SPATA17: variants seen among roughly 807,000 people sequenced by gnomAD.
SPATA17 encodes spermatogenesis-associated protein 17.
SPATA17 carries 53 observed loss-of-function variants against 62.2 expected under a neutral mutation model. The ratio of observed to expected loss-of-function variants is 0.85; its 90% CI spans 0.68 to 1.07. The LOEUF (loss-of-function observed/expected upper bound fraction) is 1.07, where lower values mean the gene tolerates loss of function less well. SPATA17 is among the 50% of genes least tolerant of loss of function. The probability of loss-of-function intolerance (pLI) is 0.00; values close to 1 mark genes in which losing one functional copy is unlikely to be tolerated. For missense variants in SPATA17, 466 were observed against 425.5 expected, an observed-to-expected ratio of 1.10 and a Z score of -0.84; for synonymous variants, 146 against 146.8, an observed-to-expected ratio of 0.99 and a Z score of 0.04.
rs1446756516 is a variant in SPATA17, at chr1:217,786,750, T to TTTCTTCTTCTTCCTCTTC, written c.872+4440_872+4441insCTCTTCTTCTTCTTCTTC. On this transcript the variant is annotated intron_variant, in intron 8 of 10. Transcript: ENST00000366933. Reference sequence around the variant, plus strand: ...AATGATAGAAGGATTTGATATTCTCTTTCTTCTTCTTCTTCTTCTTCTTCT... The same window carrying TTTCTTCTTCTTCCTCTTC: ...AATGATAGAAGGATTTGATATTCTCTTTCTTCTTCTTCCTCTTCTTCTTCTTCTTCTTCTTCTTCTTCT... Among the ~76,000 whole-genome samples, 25 of 107,436 alleles carry TTTCTTCTTCTTCCTCTTC rather than the reference T, an allele frequency of 2.3e-4. 2 individuals carry two copies. Among genetic ancestry groups the TTTCTTCTTCTTCCTCTTC allele is most frequent in the African/African-American group, 8.2e-4 (23 of 28,116 alleles). The allele number at this position is 107,436 out of a possible 152,430, so 70.5% of individuals were successfully genotyped here.
At chr1:217,642,139 T>C (rs542031549) in intron 1 of SPATA17, among the ~76,000 whole-genome samples, 2 of 152,318 alleles carry the variant, frequency 1.3e-5, no homozygotes, top group East Asian at 3.9e-4. Context: ...TACTACCTGA[T>C]TTTGACTTGT....
chr1:217,707,262 T>C (rs1304380189), intron 5 of SPATA17, among the ~76,000 whole-genome samples: 1 of 152,154 alleles, frequency 6.6e-6, no homozygotes, highest in Non-Finnish European at 1.5e-5. Flanking sequence ...CTACTGGTTT[T>C]TATATATTGA....
chr1:217,855,452 T>C (rs183366809), intron 9 of SPATA17, among the ~76,000 whole-genome samples: 6 of 152,326 alleles, frequency 3.9e-5, no homozygotes, highest in Admixed American at 3.9e-4. Flanking sequence ...TTTTTGGTTG[T>C]AATTAAATAG....
intron 3 of SPATA17, among the ~76,000 whole-genome samples, chr1:217,654,017 A>G (rs1302732454): frequency 6.6e-6 from 1 of 152,080 alleles, no homozygotes; most frequent in Non-Finnish European, 1.5e-5. Flanking sequence ...TGAAATTCCT[A>G]TTGATGGCTT....
At position 217,785,605 on chromosome 1, in the gene SPATA17, A is replaced by G. The variant is rs550591177; in HGVS notation, c.872+3283A>G. Reference sequence around the variant, plus strand: ...CCAACAATGGGAATTATAACTCAACATGAGATTTGGGTGCAAACACAGAGT... The same window carrying G: ...CCAACAATGGGAATTATAACTCAACGTGAGATTTGGGTGCAAACACAGAGT... On this transcript the variant is annotated intron_variant, in intron 8 of 10. Transcript: ENST00000366933. Among the ~76,000 whole-genome samples, 4 of 152,308 alleles carry G rather than the reference A, an allele frequency of 2.6e-5. No homozygotes were observed. The South Asian group carries it at 6.2e-4, about 24-fold the overall frequency.
chr1:217,633,217 TAAATA>T (rs1280591902), intron 1 of SPATA17, among the ~76,000 whole-genome samples: 1 of 151,068 alleles, frequency 6.6e-6, no homozygotes, highest in Non-Finnish European at 1.5e-5. Context: ...AATAAATAAA[TAAATA>T]AATAAATAAA....
At chr1:217,834,247 G>A (rs947536562) in intron 9 of SPATA17, among the ~76,000 whole-genome samples, 6 of 152,022 alleles carry the variant, frequency 3.9e-5, no homozygotes, top group Non-Finnish European at 2.9e-5. Flanking sequence ...ACTTGATAAC[G>A]ATAATAAATG....
intron 1 of SPATA17, among the ~76,000 whole-genome samples, chr1:217,642,069 C>A (rs1265638736): frequency 6.6e-6 from 1 of 152,100 alleles, no homozygotes; most frequent in Non-Finnish European, 1.5e-5. Context: ...TCAGATTATG[C>A]ACCCCAGGCA....
At chr1:217,734,158 A>G (rs1213710346) in intron 5 of SPATA17, among the ~76,000 whole-genome samples, 1 of 152,240 alleles carries the variant, frequency 6.6e-6, no homozygotes, top group East Asian at 1.9e-4. Context: ...CCTAGCATTT[A>G]AATGACTTTT....
chr1:217,650,396 T>C (rs914805949), intron 2 of SPATA17, among the ~76,000 whole-genome samples: 2 of 150,364 alleles, frequency 1.3e-5, no homozygotes, highest in Admixed American at 6.6e-5. Context: ...CATGAATTCT[T>C]TCTCTCTCTC....
intron 1 of SPATA17, among the ~76,000 whole-genome samples, chr1:217,641,060 C>G (rs771103158): frequency 6.6e-6 from 1 of 151,844 alleles, no homozygotes; most frequent in African/African-American, 2.4e-5. Flanking sequence ...GAAAGTTTGT[C>G]CTAGGGCAAA....
At chr1:217,749,985 C>CTCTCTCTCTCTCTCTCTCTATATATA in intron 6 of SPATA17, among the ~76,000 whole-genome samples, 2 of 12,316 alleles carry the variant, frequency 1.6e-4, no homozygotes, top group Non-Finnish European at 3.2e-4. Flanking sequence ...CTCTCTCTCT[C>CTCTCTCTCTCTCTCTCTCTATATATA]TATATATATA....
chr1:217,765,838 G>T (rs1171699368), intron 6 of SPATA17, among the ~76,000 whole-genome samples: 1 of 151,906 alleles, frequency 6.6e-6, no homozygotes, highest in African/African-American at 2.4e-5. Context: ...TTGATGCTTT[G>T]TTGCTAGGCA....
At chr1:217,689,202 C>A (rs1023339406) in intron 5 of SPATA17, among the ~76,000 whole-genome samples, 1 of 145,470 alleles carries the variant, frequency 6.9e-6, no homozygotes. Context: ...CATCACAAAT[C>A]AGATAGCATT....
At chr1:217,735,528 A>T (rs1672493575) in intron 5 of SPATA17, among the ~76,000 whole-genome samples, 1 of 152,228 alleles carries the variant, frequency 6.6e-6, no homozygotes, top group African/African-American at 2.4e-5. Context: ...TATTCAGCCT[A>T]TAGCAGGACC....
intron 10 of SPATA17, among the ~76,000 whole-genome samples, chr1:217,863,119 CTTT>C (rs35673625): frequency 1.4e-4 from 16 of 111,838 alleles, no homozygotes; most frequent in East Asian, 7.3e-4. Flanking sequence ...AATACTCTTT[CTTT>C]TTTTTTTTTT....
chr1:217,651,038 G>T, intron 2 of SPATA17, 59 bp from the exon 3 acceptor site: 1 of 1,321,538 alleles, frequency 7.6e-7, no homozygotes, highest in South Asian at 1.3e-5. Context: ...TTTTAACAAA[G>T]ATTTAACTGA....
intron 5 of SPATA17, among the ~76,000 whole-genome samples, chr1:217,699,191 A>C (rs1447046510): frequency 1.3e-5 from 2 of 152,192 alleles, no homozygotes; most frequent in African/African-American, 4.8e-5. Context: ...TTATGTGAGC[A>C]CACATTTCTA....
At chr1:217,711,575 G>T (rs1411266100) in intron 5 of SPATA17, among the ~76,000 whole-genome samples, 1 of 152,070 alleles carries the variant, frequency 6.6e-6, no homozygotes, top group Non-Finnish European at 1.5e-5. Flanking sequence ...TTATATTGGA[G>T]CACCAATATT....
Sources: allele counts gnomAD v4.1 joint callset (sites outside exome capture counted in the v4.1 genomes callset), GRCh38; gene constraint gnomAD v4.1.1; transcripts MANE v1.5; gene names NCBI Gene and HGNC (gene_info 2026-07-23, HGNC 2026-07-21).